Variants in CWC25 observed in about 807,000 individuals in gnomAD.
CWC25 encodes the protein pre-mRNA-splicing factor CWC25 homolog.
CWC25 carries 31 observed loss-of-function variants against 54.6 expected under a neutral mutation model. That is an observed-to-expected ratio of 0.57 (90% CI 0.43 to 0.77). The LOEUF is 0.77. CWC25 is among the 30% of genes least tolerant of loss of function. The pLI, the probability that CWC25 is intolerant of heterozygous loss-of-function variation, is 0.00. For missense variants in CWC25, 453 were observed against 529.3 expected, an observed-to-expected ratio of 0.86 and a Z score of 1.41; for synonymous variants, 151 against 187.0, an observed-to-expected ratio of 0.81 and a Z score of 1.57.
At chr17:38,818,385 G>A (rs1196948681) in intron 2 of CWC25, among the ~76,000 whole-genome samples, 1 of 151,292 alleles carries the variant, frequency 6.6e-6, no homozygotes, top group Non-Finnish European at 1.5e-5. Flanking sequence ...TGAGGTCAAA[G>A]ATCGACACCA....
intron 4 of CWC25, among the ~76,000 whole-genome samples, chr17:38,811,540 C>CAAAA (rs11387199): frequency 1.9e-5 from 1 of 53,356 alleles, no homozygotes; most frequent in Non-Finnish European, 4.5e-5. Flanking sequence ...GACTCCGTCT[C>CAAAA]AAAAAAAAAA....
Position 38,808,299 on chromosome 17 carries a change from T to C in CWC25, c.691-1323A>G, listed in dbSNP as rs967897290. Among the ~76,000 whole-genome samples, 3 of 130,328 alleles carry C rather than the reference T, an allele frequency of 2.3e-5. 1 individual carries two copies. Among genetic ancestry groups the C allele is most frequent in the Admixed American group, 1.7e-4 (2 of 11,894 alleles). 85.5% of individuals were successfully genotyped at this position (130,328 alleles called of 152,430 possible). Reference sequence around the variant, plus strand: ...CAAGAGGCTGAGACAGGAGAATCACTTGAATGCAGGAGGCAGAGGTTGCAG... The same window carrying C: ...CAAGAGGCTGAGACAGGAGAATCACCTGAATGCAGGAGGCAGAGGTTGCAG... On this transcript the variant is annotated intron_variant, in intron 6 of 9. Transcript: ENST00000614790.
intron 2 of CWC25, among the ~76,000 whole-genome samples, chr17:38,815,988 G>C (rs999435694): frequency 2.6e-5 from 4 of 152,162 alleles, no homozygotes; most frequent in African/African-American, 9.7e-5. Context: ...GGTTTCACAA[G>C]TGAATAAACC....
intron 3 of CWC25, 140 bp from the exon 4 acceptor site, chr17:38,813,004 T>C (rs1911552612): frequency 1.7e-6 from 1 of 587,682 alleles, no homozygotes; most frequent in Non-Finnish European, 3.0e-6. Flanking sequence ...TGTGCACCTG[T>C]AATCCCAGCT....
chr17:38,818,230 C>T (rs999472017), intron 2 of CWC25, among the ~76,000 whole-genome samples: 7 of 149,666 alleles, frequency 4.7e-5, no homozygotes, highest in South Asian at 2.1e-4. Flanking sequence ...GAGCCAAGAT[C>T]GCACCACTGC....
chr17:38,806,635 G>T, intron 7 of CWC25, 130 bp downstream of exon 7: 1 of 891,834 alleles, frequency 1.1e-6, no homozygotes, highest in Non-Finnish European at 1.7e-6. Flanking sequence ...AAAAAATGAT[G>T]TAAAGGAAAT....
chr17:38,806,931 C>T lies in CWC25; in HGVS notation c.736G>A (p.Ala246Thr). ...ATCCCATGCCCTCTCTTTTGCTCTG[C>T]TGTCAGAGGACCCTGAAGACCCTGG... The part of the protein sequence containing the change: ...RNQGLQGPLT[A>T]EQKRGHGMKN... The change falls in exon 7 of 10, where the codon GCA becomes ACA. Residue 246 changes from alanine to threonine, a missense_variant. This residue lies in a region of CWC25 where 444 missense variants were observed against 499.2 expected (regional missense o/e 0.89). Transcript: ENST00000614790. 6.2e-7 allele frequency: 1 copy of T among 1,613,948 alleles called. No individual in the cohort carries two copies. The highest frequency in any genetic ancestry group is 1.1e-5 in the South Asian group (1 of 91,082).
chr17:38,814,819 A>G (rs1911633273), intron 3 of CWC25, 42 bp downstream of exon 3: 11 of 1,432,616 alleles, frequency 7.7e-6, no homozygotes, highest in Non-Finnish European at 1.1e-5. Context: ...CAGGGTCTCA[A>G]AGCATCTGTA....
intron 1 of CWC25, among the ~76,000 whole-genome samples, chr17:38,821,299 A>C (rs1911914162): frequency 6.6e-6 from 1 of 152,110 alleles, no homozygotes; most frequent in Non-Finnish European, 1.5e-5. Flanking sequence ...AGTGGCTCAC[A>C]CCTGTAATCC....
At position 38,804,840 on chromosome 17, in the gene CWC25, C is replaced by T. The variant is rs184907650; in HGVS notation, c.1001+1457G>A. Reference sequence around the variant, plus strand: ...AAAAAAGGAAGCCCGGGCGTGGTGGCTCACGCCTGTAATCCCAGCACTCTG... The same window carrying T: ...AAAAAAGGAAGCCCGGGCGTGGTGGTTCACGCCTGTAATCCCAGCACTCTG... On this transcript the variant is annotated intron_variant, in intron 8 of 9. Transcript: ENST00000614790. Among the ~76,000 whole-genome samples, 4 of 147,904 alleles carry T rather than the reference C, an allele frequency of 2.7e-5. No individual in the cohort carries two copies. In the East Asian group the frequency reaches 6.0e-4, roughly 22 times the overall value.
chr17:38,821,312 G>C (rs561074109), intron 1 of CWC25, among the ~76,000 whole-genome samples: 1 of 152,262 alleles, frequency 6.6e-6, no homozygotes, highest in East Asian at 1.9e-4. Flanking sequence ...TGTAATCCCA[G>C]CACTTTGGGA....
chr17:38,815,976 TG>T (rs1430229279), intron 2 of CWC25, among the ~76,000 whole-genome samples: 2 of 152,170 alleles, frequency 1.3e-5, no homozygotes, highest in East Asian at 3.8e-4. Flanking sequence ...GGTAACTATC[TG>T]GGTTTCACAA....
chr17:38,802,725 C>A lies in CWC25; in HGVS notation c.1138G>T (p.Asp380Tyr). Reference protein sequence around the residue: ...EEREQRLEKLDSRDGKFIHRM... With the variant: ...EEREQRLEKLYSRDGKFIHRM... ...TGGATGAACTTCCCATCCCGGGAGT[C>A]CAGCTTCTCTAGCCTCTGCTCCCGT... The change falls in exon 9 of 10, where the codon GAC becomes TAC. Residue 380 changes from aspartate (D) to tyrosine (Y), a missense_variant. Asp to Tyr is a radical substitution (Grantham distance 160). Coordinates refer to ENST00000614790, the MANE Select transcript of CWC25 (RefSeq NM_017748.5). The A allele has an allele frequency of 6.2e-7, 1 of 1,614,016 alleles. No homozygotes were observed. Among genetic ancestry groups the A allele is most frequent in the Non-Finnish European group, 8.5e-7 (1 of 1,179,884 alleles).
intron 2 of CWC25, among the ~76,000 whole-genome samples, chr17:38,820,403 T>A (rs1911876082): frequency 6.6e-6 from 1 of 152,138 alleles, no homozygotes; most frequent in African/African-American, 2.4e-5. Context: ...TGAAGCAGGG[T>A]AAAATCTAGT....
chr17:38,815,574 T>C, intron 2 of CWC25: 1 of 763,952 alleles, frequency 1.3e-6, no homozygotes, highest in East Asian at 6.3e-5. Flanking sequence ...AAATAAATGG[T>C]GCTTGTCCTC....
chr17:38,803,786 C>G (rs1330920341), intron 8 of CWC25, among the ~76,000 whole-genome samples: 6 of 151,534 alleles, frequency 4.0e-5, no homozygotes, highest in Non-Finnish European at 7.4e-5. Context: ...GCCCGTAATC[C>G]CAGCACTTTG....
At chr17:38,813,857 TTTGTTGTTG>T (rs966697574) in intron 3 of CWC25, among the ~76,000 whole-genome samples, 1 of 151,962 alleles carries the variant, frequency 6.6e-6, no homozygotes, top group Admixed American at 6.6e-5. Flanking sequence ...AGTTGTTTTT[TTTGTTGTTG>T]TTGTTGTTTT....
chr17:38,821,766 C>G (rs1452357104), intron 1 of CWC25, among the ~76,000 whole-genome samples: 1 of 149,604 alleles, frequency 6.7e-6, no homozygotes, highest in East Asian at 1.9e-4. Flanking sequence ...GCACTTCTGA[C>G]AGTGGACATT....
chr17:38,811,350 G>A (rs962706147), intron 4 of CWC25, among the ~76,000 whole-genome samples: 3 of 151,630 alleles, frequency 2.0e-5, no homozygotes, highest in Admixed American at 6.6e-5. Flanking sequence ...TGGCTAACAC[G>A]GTGAAACACC....
Sources: gnomAD v4.1 joint callset for allele counts (sites outside exome capture counted in the v4.1 genomes callset) on GRCh38, gnomAD v4.1.1 for gene constraint, gnomAD v4.1.1 regional missense constraint, MANE v1.5 for transcripts, NCBI Gene and HGNC (gene_info 2026-07-23, HGNC 2026-07-21) for gene names.